TNN: variants seen among roughly 807,000 people sequenced by gnomAD.
TNN encodes tenascin-N.
A neutral mutation model predicts 134.4 loss-of-function variants in TNN; 122 were observed. The ratio of observed to expected loss-of-function variants is 0.91; its 90% CI spans 0.78 to 1.06. The LOEUF is 1.06. TNN is among the 50% of genes least tolerant of loss of function. The probability of loss-of-function intolerance (pLI) is 0.00; values close to 1 mark genes in which losing one functional copy is unlikely to be tolerated. For missense variants in TNN, 1,739 were observed against 1,699.4 expected (o/e 1.02, Z -0.41); for synonymous variants, 710 against 670.3 (o/e 1.06, Z -0.91).
chr1:175,146,728 C>G (rs554672553), intron 18 of TNN, among the ~76,000 whole-genome samples: 1 of 152,104 alleles, frequency 6.6e-6, no homozygotes, highest in East Asian at 1.9e-4. Context: ...CCCGTCTAAC[C>G]CCAGCTGCCC....
Position 175,077,627 on chromosome 1 carries a change from C to G in TNN, c.209C>G (p.Ala70Gly), listed in dbSNP as rs1674079075. The change falls in exon 2 of 19, where the codon GCT becomes GGT. Residue 70 changes from alanine to glycine, a missense_variant. Ala to Gly is a moderately conservative substitution (Grantham distance 60). Transcript: ENST00000239462. ...CCTCAGCCCCTCAGTGACGATGGGG[C>G]TTCGCTCTTGGCCCTGGGGGAGGCC... is the stretch of plus-strand genomic sequence containing the variant. ...ADPQPLSDDGASLLALGEARE... is the reference protein window; with the variant it reads ...ADPQPLSDDGGSLLALGEARE... 1.2e-6 allele frequency: 2 copies of G among 1,614,118 alleles called. No homozygotes were observed. Among genetic ancestry groups the G allele is most frequent in the Admixed American group, 1.7e-5 (1 of 60,010 alleles).
chr1:175,133,951 C>T (rs1259352493), intron 15 of TNN, among the ~76,000 whole-genome samples: 1 of 152,098 alleles, frequency 6.6e-6, no homozygotes, highest in East Asian at 1.9e-4. Context: ...GTGGAGAACC[C>T]ACCCACACAC....
intron 18 of TNN, among the ~76,000 whole-genome samples, chr1:175,146,415 C>G (rs559940558): frequency 2.0e-5 from 3 of 152,268 alleles, no homozygotes; most frequent in Admixed American, 6.5e-5. Flanking sequence ...TATTATTGCG[C>G]TCACCAGTCA....
At position 175,085,436 on chromosome 1, in the gene TNN, G is replaced by A. The variant is rs753548894; in HGVS notation, c.1266G>A (p.Thr422=). 190 of 1,613,084 alleles carry A rather than the reference G, an allele frequency of 1.2e-4. No individual in the cohort carries two copies. The highest frequency in any genetic ancestry group is 4.7e-4 in the East Asian group (21 of 44,850). ...GLHPGTEYKI[T]VVPMRGELEG... ...ACCCGGGGACTGAGTATAAGATCAC[G>A]GTGGTGCCCATGAGAGGAGAGCTGG... The change falls in exon 6 of 19, where the codon ACG becomes ACA. Residue 422 remains threonine (T), a synonymous_variant. Transcript: ENST00000239462.
intron 10 of TNN, among the ~76,000 whole-genome samples, chr1:175,117,548 T>A (rs1675217920): frequency 6.6e-6 from 1 of 152,166 alleles, no homozygotes; most frequent in South Asian, 2.1e-4. Context: ...ATAATAATAG[T>A]ATATTGAAAA....
At chr1:175,145,187 T>C (rs1676033152) in intron 18 of TNN, among the ~76,000 whole-genome samples, 1 of 152,108 alleles carries the variant, frequency 6.6e-6, no homozygotes, top group Non-Finnish European at 1.5e-5. Context: ...TACATGAATT[T>C]TGAAGAGACA....
intron 9 of TNN, among the ~76,000 whole-genome samples, chr1:175,111,030 A>T (rs1675006976): frequency 6.6e-6 from 1 of 151,548 alleles, no homozygotes; most frequent in African/African-American, 2.4e-5. Flanking sequence ...CAAGAAAAAA[A>T]AAAAGGGCTG....
At chr1:175,096,576 A>G (rs1558355556) in intron 7 of TNN, among the ~76,000 whole-genome samples, 2 of 152,226 alleles carry the variant, frequency 1.3e-5, no homozygotes, top group Non-Finnish European at 2.9e-5. Context: ...AAAAGAGGAT[A>G]ATAAAGTCAT....
chr1:175,091,559 T>A (rs535647669), intron 6 of TNN, among the ~76,000 whole-genome samples: 28 of 141,688 alleles, frequency 2.0e-4, no homozygotes, highest in African/African-American at 6.8e-4. Flanking sequence ...TATTTATTAT[T>A]TTTATTTATT....
At chr1:175,107,213 C>T (rs1212328484) in intron 9 of TNN, among the ~76,000 whole-genome samples, 2 of 145,700 alleles carry the variant, frequency 1.4e-5, no homozygotes, top group East Asian at 2.3e-4. Context: ...GAGTCTGTCC[C>T]TTCTGATGTT....
At chr1:175,074,811 T>C (rs1293275794) in intron 1 of TNN, among the ~76,000 whole-genome samples, 1 of 152,236 alleles carries the variant, frequency 6.6e-6, no homozygotes, top group East Asian at 1.9e-4. Flanking sequence ...AAGCATTGCA[T>C]AGGGACATGT....
At chr1:175,137,403 C>T (rs980274470) in intron 17 of TNN, among the ~76,000 whole-genome samples, 1 of 64,120 alleles carries the variant, frequency 1.6e-5, no homozygotes, top group Non-Finnish European at 3.8e-5. Context: ...ATTATTTGAG[C>T]TTTTGGTGGC....
intron 1 of TNN, among the ~76,000 whole-genome samples, chr1:175,071,997 G>C (rs921039778): frequency 6.6e-6 from 1 of 152,138 alleles, no homozygotes; most frequent in Non-Finnish European, 1.5e-5. Flanking sequence ...AGCTCACAAG[G>C]ATACCTGGGC....
intron 15 of TNN, among the ~76,000 whole-genome samples, chr1:175,134,650 A>G (rs1345042996): frequency 6.6e-6 from 1 of 152,198 alleles, no homozygotes; most frequent in Non-Finnish European, 1.5e-5. Flanking sequence ...GAGAAGAGTC[A>G]TCTGCAAGCC....
chr1:175,070,199 A>G (rs1274266972), intron 1 of TNN, among the ~76,000 whole-genome samples: 1 of 152,242 alleles, frequency 6.6e-6, no homozygotes, highest in Non-Finnish European at 1.5e-5. Context: ...CCTGATGTCC[A>G]AGAGGAGATT....
At chr1:175,115,441 G>A (rs1034678904) in intron 9 of TNN, among the ~76,000 whole-genome samples, 3 of 152,202 alleles carry the variant, frequency 2.0e-5, no homozygotes, top group Non-Finnish European at 2.9e-5. Flanking sequence ...CTCCACGAAA[G>A]AGCGTGCAGT....
At chr1:175,091,101 G>A (rs1674435169) in intron 6 of TNN, among the ~76,000 whole-genome samples, 2 of 152,252 alleles carry the variant, frequency 1.3e-5, no homozygotes, top group Non-Finnish European at 2.9e-5. Flanking sequence ...TGCAAAGCTG[G>A]CCTCTTCCAG....
chr1:175,094,011 T>A lies in TNN; in HGVS notation c.1346T>A (p.Val449Asp). Reference sequence around the variant, plus strand: ...GAAGAAATTGACAGTCCAACCAATGTTGTCACTGATCGAGTGACTGAAGAC... The same window carrying A: ...GAAGAAATTGACAGTCCAACCAATGATGTCACTGATCGAGTGACTGAAGAC... ...GRTEIDSPTN[V>D]VTDRVTEDTA... The change falls in exon 7 of 19, where the codon GTT becomes GAT. Residue 449 changes from valine (V) to aspartate (D), a missense_variant. Val to Asp is a radical substitution (Grantham distance 152). Transcript: ENST00000239462. 1 of 1,605,982 alleles carries A rather than the reference T, an allele frequency of 6.2e-7. No homozygotes were observed. The highest frequency in any genetic ancestry group is 8.5e-7 in the Non-Finnish European group (1 of 1,173,632).
At chr1:175,119,633 TTTTTC>T (rs1558366493) in intron 11 of TNN, among the ~76,000 whole-genome samples, 1 of 144,318 alleles carries the variant, frequency 6.9e-6, no homozygotes, top group African/African-American at 2.8e-5. Flanking sequence ...GAATGCCTTT[TTTTTC>T]TTTTTTTTTT....
Sources: allele counts gnomAD v4.1 joint callset (sites outside exome capture counted in the v4.1 genomes callset), GRCh38; gene constraint gnomAD v4.1.1; transcripts MANE v1.5; gene names NCBI Gene and HGNC (gene_info 2026-07-23, HGNC 2026-07-21).